Variants in ZBTB7C observed in about 807,000 individuals in gnomAD.
ZBTB7C encodes the protein zinc finger and BTB domain containing 7C.
A neutral mutation model predicts 25.7 loss-of-function variants in ZBTB7C; 8 were observed. The observed-to-expected ratio is 0.31, with a 90% confidence interval of 0.18 to 0.56. ZBTB7C has a LOEUF of 0.56. Among genes scored for constraint, ZBTB7C ranks in the 20% least tolerant of loss-of-function variants. The pLI, the probability that ZBTB7C is intolerant of heterozygous loss-of-function variation, is 0.91. For missense variants in ZBTB7C, 824 were observed against 855.2 expected, an observed-to-expected ratio of 0.96 and a Z score of 0.46; for synonymous variants, 394 against 369.0, an observed-to-expected ratio of 1.07 and a Z score of -0.78.
rs1476295916 is a variant in ZBTB7C at position 48,032,093 on chromosome 18, C to A, written c.1209-2182G>T. Among the ~76,000 whole-genome samples the A allele has an allele frequency of 2.6e-5, 4 of 152,116 alleles. No individual in the cohort carries two copies. In the East Asian group the frequency reaches 5.8e-4, roughly 22 times the overall value. The stretch of plus-strand genomic sequence containing the variant: ...TCATCTCATTACTCCTCACCACAAC[C>A]TATGAGGTAGGTTTTTTTATTTTTA... On this transcript the variant is annotated intron_variant, in intron 4 of 4. Coordinates refer to ENST00000590800, the MANE Select transcript of ZBTB7C (RefSeq NM_001318841.2).
chr18:48,171,493 C>A (rs1213227555), intron 3 of ZBTB7C, among the ~76,000 whole-genome samples: 1 of 152,240 alleles, frequency 6.6e-6, no homozygotes, highest in African/African-American at 2.4e-5. Flanking sequence ...ATCTCAGCAA[C>A]TATGCGGCTG....
chr18:48,209,723 C>T (rs533443512), intron 2 of ZBTB7C, among the ~76,000 whole-genome samples: 1 of 151,746 alleles, frequency 6.6e-6, no homozygotes, highest in Admixed American at 6.6e-5. Flanking sequence ...CCACTAAACT[C>T]CCACCTGGGC....
rs961030819 is a variant in ZBTB7C at position 48,288,325 on chromosome 18, C to T, written c.-79+49849G>A. On this transcript the variant is annotated intron_variant, in intron 2 of 4. Coordinates refer to ENST00000590800, the MANE Select transcript of ZBTB7C (RefSeq NM_001318841.2). Reference sequence around the variant, plus strand: ...AAGTGATTAGGTCATGGAGGCACAACCTTCATGAATGAGATGAATTCCCTT... The same window carrying T: ...AAGTGATTAGGTCATGGAGGCACAATCTTCATGAATGAGATGAATTCCCTT... 7.9e-5 allele frequency among the ~76,000 whole-genome samples: 12 copies of T among 152,260 alleles called. No individual in the cohort carries two copies. The East Asian group carries it at 2.1e-3, about 27-fold the overall frequency.
At chr18:48,246,208 T>G (rs1383979632) in intron 2 of ZBTB7C, among the ~76,000 whole-genome samples, 2 of 152,006 alleles carry the variant, frequency 1.3e-5, no homozygotes, top group Non-Finnish European at 2.9e-5. Flanking sequence ...ATCTCAGCAC[T>G]TTGGGAGGCT....
intron 2 of ZBTB7C, among the ~76,000 whole-genome samples, chr18:48,282,486 G>A (rs2044893657): frequency 6.6e-6 from 1 of 151,986 alleles, no homozygotes; most frequent in Admixed American, 6.6e-5. Flanking sequence ...TTAGTGTTAT[G>A]ACCTGGCAAT....
chr18:48,335,690 AC>A (rs1185998914), intron 2 of ZBTB7C, among the ~76,000 whole-genome samples: 1 of 152,184 alleles, frequency 6.6e-6, no homozygotes, highest in African/African-American at 2.4e-5. Flanking sequence ...CCACTAGCCA[AC>A]TTGAAATGTG....
intron 1 of ZBTB7C, among the ~76,000 whole-genome samples, chr18:48,350,375 C>T (rs1187427949): frequency 6.6e-6 from 1 of 152,188 alleles, no homozygotes; most frequent in Non-Finnish European, 1.5e-5. Flanking sequence ...AAGGTTCTTC[C>T]GTAGTTACGT....
chr18:48,341,734 A>G, intron 1 of ZBTB7C, among the ~76,000 whole-genome samples: 1 of 152,224 alleles, frequency 6.6e-6, no homozygotes, highest in East Asian at 1.9e-4. Context: ...ACCCATCATC[A>G]TGCACTGCCA....
chr18:48,193,170 G>A (rs2042238057), intron 2 of ZBTB7C, among the ~76,000 whole-genome samples: 1 of 152,034 alleles, frequency 6.6e-6, no homozygotes, highest in African/African-American at 2.4e-5. Context: ...AGGCCAGCAG[G>A]GCCTCCAGCT....
intron 1 of ZBTB7C, among the ~76,000 whole-genome samples, chr18:48,392,827 C>T (rs2047932612): frequency 1.3e-5 from 2 of 152,174 alleles, no homozygotes; most frequent in African/African-American, 4.8e-5. Context: ...TGACCTCTTC[C>T]TCCAATGCCC....
chr18:48,316,886 C>T (rs564434609), intron 2 of ZBTB7C, among the ~76,000 whole-genome samples: 7 of 152,310 alleles, frequency 4.6e-5, no homozygotes, highest in East Asian at 1.9e-4. Context: ...CCTCAGTTTC[C>T]GACCCTGTAA....
At chr18:48,403,957 G>T (rs1218449316) in intron 1 of ZBTB7C, among the ~76,000 whole-genome samples, 1 of 151,254 alleles carries the variant, frequency 6.6e-6, no homozygotes, top group Non-Finnish European at 1.5e-5. Context: ...AAAAAGAAAA[G>T]AAAAAAAAAG....
chr18:48,360,176 A>G (rs1242793053), intron 1 of ZBTB7C, among the ~76,000 whole-genome samples: 1 of 152,240 alleles, frequency 6.6e-6, no homozygotes, highest in Non-Finnish European at 1.5e-5. Context: ...GAATACTACA[A>G]CAATATGACA....
intron 3 of ZBTB7C, among the ~76,000 whole-genome samples, chr18:48,167,600 G>GTGCA (rs1224934085): frequency 6.7e-6 from 1 of 149,476 alleles, no homozygotes; most frequent in African/African-American, 2.5e-5. Context: ...GTGTGTGTGC[G>GTGCA]CGCGTGCACA....
intron 2 of ZBTB7C, among the ~76,000 whole-genome samples, chr18:48,269,236 T>C (rs1224361030): frequency 1.3e-5 from 2 of 152,186 alleles, no homozygotes; most frequent in Non-Finnish European, 2.9e-5. Context: ...AGTGCTGGGA[T>C]TACACATGTG....
chr18:48,233,396 A>G (rs1194949124), intron 2 of ZBTB7C, among the ~76,000 whole-genome samples: 1 of 152,258 alleles, frequency 6.6e-6, no homozygotes, highest in African/African-American at 2.4e-5. Context: ...TTACAGAAGC[A>G]CAAAATGGAC....
intron 1 of ZBTB7C, among the ~76,000 whole-genome samples, chr18:48,386,890 C>T (rs1351562251): frequency 1.3e-5 from 2 of 152,200 alleles, no homozygotes; most frequent in Non-Finnish European, 2.9e-5. Flanking sequence ...CTGTCCTTTG[C>T]CAAATCTTCC....
chr18:48,293,988 C>T (rs904132750), intron 2 of ZBTB7C, among the ~76,000 whole-genome samples: 1 of 152,196 alleles, frequency 6.6e-6, no homozygotes, highest in Admixed American at 6.5e-5. Context: ...CCGCTGTGGC[C>T]GTGTTTCTTG....
intron 2 of ZBTB7C, among the ~76,000 whole-genome samples, chr18:48,267,459 C>T (rs920049208): frequency 3.3e-5 from 5 of 152,180 alleles, no homozygotes; most frequent in African/African-American, 7.2e-5. Context: ...AGTCTTTTCA[C>T]GACTGGGTCT....
Sources: gnomAD v4.1 joint callset for allele counts (sites outside exome capture counted in the v4.1 genomes callset) on GRCh38, gnomAD v4.1.1 for gene constraint, MANE v1.5 for transcripts, NCBI Gene and HGNC (gene_info 2026-07-23, HGNC 2026-07-21) for gene names.